The following LAMB4 variants were observed in gnomAD, a reference collection of about 807,000 sequenced individuals.
The protein encoded by LAMB4 is laminin subunit beta 4, also known as laminin subunit beta-4.
In LAMB4, 196 loss-of-function variants were observed where a neutral mutation model predicts 199.2. The observed-to-expected ratio is 0.98, with a 90% CI of 0.88 to 1.11. The LOEUF (loss-of-function observed/expected upper bound fraction) is 1.11. Ranked by LOEUF, LAMB4 falls within the 50% of genes least tolerant of loss-of-function variation. The pLI, the probability that LAMB4 is intolerant of heterozygous loss-of-function variation, is 0.00. For missense variants in LAMB4, 2,080 were observed against 2,171.2 expected (o/e 0.96, Z 0.83); for synonymous variants, 744 against 770.6 (o/e 0.97, Z 0.57).
intron 13 of LAMB4, 96 bp downstream of exon 13, chr7:108,092,241 G>T: frequency 1.2e-6 from 1 of 860,448 alleles, no homozygotes; most frequent in Non-Finnish European, 1.9e-6. Context: ...GCTTGTCATG[G>T]AATGAAATTT....
intron 23 of LAMB4, among the ~76,000 whole-genome samples, chr7:108,061,130 T>C (rs771241951): frequency 6.6e-6 from 1 of 152,168 alleles, no homozygotes; most frequent in Non-Finnish European, 1.5e-5. Context: ...TCAATTTGAA[T>C]TGATGGACAT....
chr7:108,085,412 C>A (rs1029457541), intron 14 of LAMB4, among the ~76,000 whole-genome samples: 2 of 152,190 alleles, frequency 1.3e-5, no homozygotes. Context: ...ATGAATGGTA[C>A]AATTCATACT....
intron 2 of LAMB4, among the ~76,000 whole-genome samples, chr7:108,120,520 G>T (rs1248486868): frequency 6.6e-6 from 1 of 152,218 alleles, no homozygotes; most frequent in Non-Finnish European, 1.5e-5. Flanking sequence ...TTCTGAGATA[G>T]CTATGTGAAG....
chr7:108,071,931 G>C (rs2036547181), intron 17 of LAMB4, among the ~76,000 whole-genome samples: 1 of 145,756 alleles, frequency 6.9e-6, no homozygotes, highest in South Asian at 2.1e-4. Context: ...ATAAAAATCT[G>C]AACTTTTTTT....
downstream of LAMB4, among the ~76,000 whole-genome samples, chr7:108,019,173 A>G (rs1396356838): frequency 6.6e-6 from 1 of 152,106 alleles, no homozygotes; most frequent in Non-Finnish European, 1.5e-5. Flanking sequence ...GCTAAAATCA[A>G]TGTGTTGGCA....
At chr7:108,031,499 TTC>T (rs1217855764) in intron 31 of LAMB4, among the ~76,000 whole-genome samples, 2 of 151,942 alleles carry the variant, frequency 1.3e-5, no homozygotes, top group African/African-American at 2.4e-5. Context: ...CCATTATATC[TTC>T]TCTCTCTCCC....
chr7:108,074,394 C>T (rs1584689073), intron 17 of LAMB4, among the ~76,000 whole-genome samples: 1 of 151,970 alleles, frequency 6.6e-6, no homozygotes, highest in Admixed American at 6.6e-5. Flanking sequence ...TTTGAGACAG[C>T]GTCTTGCTCT....
intron 23 of LAMB4, 163 bp downstream of exon 23, chr7:108,062,611 T>C (rs73725313): frequency 0.01 from 4,271 of 418,042 alleles, 169 homozygotes; most frequent in African/African-American, 0.078. Flanking sequence ...TTTTTTGGTT[T>C]TCATTCCTTG....
At position 108,123,945 on chromosome 7, in the gene LAMB4, T is replaced by G. The variant is rs573685051; in HGVS notation, c.-33-748A>C. On this transcript the variant is annotated intron_variant, in intron 1 of 33. Transcript: ENST00000388781. ...TCCCCAAGTTACCATTGAAGAGAGT[T>G]CTGATCCAGAGTGGAGTACATATAC... Among the ~76,000 whole-genome samples, 3 of 152,300 alleles carry G rather than the reference T, an allele frequency of 2.0e-5. No homozygotes were observed. The East Asian group carries it at 5.8e-4, about 29-fold the overall frequency.
At position 108,066,557 on chromosome 7, in the gene LAMB4, G is replaced by A. The variant is rs2036350135; in HGVS notation, c.2490C>T (p.Asp830=). 1.9e-6 allele frequency: 3 copies of A among 1,613,394 alleles called. No individual in the cohort carries two copies. The highest frequency in any genetic ancestry group is 2.2e-5 in the South Asian group (2 of 90,886). Residue 830 remains aspartate (D), a synonymous_variant, in exon 20 of 34, where the codon GAC becomes GAT. Coordinates refer to ENST00000388781, the MANE Select transcript of LAMB4 (RefSeq NM_007356.3). ...GGCAGGGGCACTGTCCTGTTACTTG[G>A]TCACATACAGTGTCCTTTGATCCTT... ...HPQGSKDTVC[D]QVTGQCPCHG...
At chr7:108,036,775 CTG>C (rs1400768218) in intron 30 of LAMB4, among the ~76,000 whole-genome samples, 5 of 151,890 alleles carry the variant, frequency 3.3e-5, no homozygotes, top group Non-Finnish European at 7.4e-5. Flanking sequence ...TTAGTTAACT[CTG>C]TATACCATAG....
intron 29 of LAMB4, among the ~76,000 whole-genome samples, chr7:108,043,518 T>TTAATA (rs934583571): frequency 3.4e-5 from 5 of 149,096 alleles, no homozygotes; most frequent in Non-Finnish European, 7.4e-5. Flanking sequence ...TCATTTCCAA[T>TTAATA]TAATATAATT....
In LAMB4 at chr7:108,062,832, C is replaced by G; in HGVS notation, c.3224G>C (p.Arg1075Thr). ...GTCACAGTCACATGACTGACATCCT[C>G]TGCCAGGGACCAGATTCCAGTATCC... Reference protein sequence around the residue: ...ADGYWNLVPGRGCQSCDCDPR... With the variant: ...ADGYWNLVPGTGCQSCDCDPR... The change falls in exon 23 of 34, where the codon AGA becomes ACA. Residue 1075 changes from arginine to threonine, a missense_variant. Arg to Thr is a moderately conservative substitution (Grantham distance 71). Transcript: ENST00000388781. The G allele has an allele frequency of 6.4e-7, 1 of 1,555,464 alleles. No homozygotes were observed.
Position 108,055,844 on chromosome 7 carries a change from C to T in LAMB4, c.3543G>A (p.Gln1181=), listed in dbSNP as rs17154865. 0.042 allele frequency: 67,762 copies of T among 1,614,042 alleles called. 14,308 individuals carry two copies. The African/African-American group carries it at 0.6, about 14-fold the overall frequency. ...AGAGGGAAGAAATGGTGTGGTCCCA[C>T]TGATCAAAGCACAAGTGACATTGAA... ...TCLQCHLCFD[Q]WDHTISSLSK... Residue 1181 remains glutamine, a synonymous_variant, in exon 25 of 34, where the codon CAG becomes CAA. Coordinates refer to ENST00000388781, the MANE Select transcript of LAMB4 (RefSeq NM_007356.3).
At chr7:108,092,782 T>C (rs1314908620) in intron 12 of LAMB4, among the ~76,000 whole-genome samples, 1 of 152,108 alleles carries the variant, frequency 6.6e-6, no homozygotes, top group Non-Finnish European at 1.5e-5. Context: ...TGCATGCCTG[T>C]AGTCCCAGCT....
intron 33 of LAMB4, chr7:108,026,815 C>A: frequency 2.1e-6 from 1 of 483,228 alleles, no homozygotes; most frequent in Non-Finnish European, 4.0e-6. Context: ...CAGAGAGGAA[C>A]AGGCACAGCC....
At chr7:108,120,392 G>T (rs2038558369) in intron 2 of LAMB4, among the ~76,000 whole-genome samples, 1 of 152,142 alleles carries the variant, frequency 6.6e-6, no homozygotes, top group Non-Finnish European at 1.5e-5. Flanking sequence ...CTACAGCTAA[G>T]AACATGATAA....
chr7:108,057,165 G>T (rs1370598132), intron 24 of LAMB4, among the ~76,000 whole-genome samples: 1 of 152,142 alleles, frequency 6.6e-6, no homozygotes, highest in Non-Finnish European at 1.5e-5. Flanking sequence ...TTCCCCAGGA[G>T]ATTTAGTGGG....
chr7:108,106,731 AT>A (rs1418598012), intron 6 of LAMB4, among the ~76,000 whole-genome samples, 159 bp from the exon 7 acceptor site: 1 of 151,886 alleles, frequency 6.6e-6, no homozygotes, highest in East Asian at 1.9e-4. Flanking sequence ...TGCCCAGCTA[AT>A]TTTTAAAGAT....
Sources: gnomAD v4.1 joint callset for allele counts (sites outside exome capture counted in the v4.1 genomes callset) on GRCh38, gnomAD v4.1.1 for gene constraint, MANE v1.5 for transcripts, NCBI Gene and HGNC (gene_info 2026-07-23, HGNC 2026-07-21) for gene names.